ATPSCKMT: variants seen among roughly 807,000 people sequenced by gnomAD.
ATPSCKMT encodes ATP synthase subunit C lysine N-methyltransferase.
In ATPSCKMT, 24 loss-of-function variants were observed where a neutral mutation model predicts 24.3. The ratio of observed to expected loss-of-function variants is 0.99; its 90% CI spans 0.71 to 1.39. The LOEUF is 1.39. ATPSCKMT is among the 40% of genes most tolerant of loss of function. ATPSCKMT has a pLI of 0.00. For missense variants in ATPSCKMT, 311 were observed against 298.4 expected (o/e 1.04, Z -0.31); for synonymous variants, 95 against 110.5 (o/e 0.86, Z 0.88).
chr5:10,231,498 A>C (rs1744134747), intron 4 of ATPSCKMT, among the ~76,000 whole-genome samples: 1 of 149,690 alleles, frequency 6.7e-6, no homozygotes, highest in Non-Finnish European at 1.5e-5. Flanking sequence ...TTCCTCTCTG[A>C]CCTCCCCACG....
rs779020351 is a variant in ATPSCKMT at position 10,235,217 on chromosome 5, A to AG, written c.488dup (p.Gln164SerfsTer11). On this transcript the variant is annotated frameshift_variant, in exon 4 of 5. Transcript: ENST00000511437. LOFTEE classifies it low-confidence loss of function (END_TRUNC). ...CAGGAAAGTGCATACTCACCATCTG[A>AG]GGCACACCGAAAATAACAACGTTCG... is the stretch of plus-strand genomic sequence containing the variant. 22 of 1,613,696 alleles carry AG rather than the reference A, an allele frequency of 1.4e-5. No individual in the cohort carries two copies. Among genetic ancestry groups the AG allele is most frequent in the Non-Finnish European group, 1.9e-5 (22 of 1,179,776 alleles).
chr5:10,240,546 C>CT (rs1315846049), intron 1 of ATPSCKMT, among the ~76,000 whole-genome samples: 1 of 152,158 alleles, frequency 6.6e-6, no homozygotes, highest in East Asian at 1.9e-4. Context: ...CTGGTCCTTG[C>CT]TGAGCCTGTT....
At chr5:10,249,824 C>T (rs771812795) in intron 1 of ATPSCKMT, 34 bp downstream of exon 1, 15 of 1,547,944 alleles carry the variant, frequency 9.7e-6, no homozygotes, top group Middle Eastern at 2.4e-4. Flanking sequence ...CCTTCTCATG[C>T]CCCCAGGAAC....
At chr5:10,230,285 T>C (rs1290669310) in intron 4 of ATPSCKMT, among the ~76,000 whole-genome samples, 1 of 152,198 alleles carries the variant, frequency 6.6e-6, no homozygotes, top group Non-Finnish European at 1.5e-5. Flanking sequence ...AAAAAAGTTT[T>C]GTTCCTTGAG....
At chr5:10,235,740 T>C (rs1355452474) in intron 3 of ATPSCKMT, among the ~76,000 whole-genome samples, 1 of 143,908 alleles carries the variant, frequency 6.9e-6, no homozygotes, top group African/African-American at 2.4e-5. Flanking sequence ...TAAAATACTA[T>C]GTAAAAAAGT....
At chr5:10,240,604 G>C (rs947075570) in intron 1 of ATPSCKMT, among the ~76,000 whole-genome samples, 14 of 152,118 alleles carry the variant, frequency 9.2e-5, no homozygotes, top group Admixed American at 5.9e-4. Context: ...AGGATGAAAT[G>C]AGTGTATGGA....
At chr5:10,233,104 A>T (rs1298373271) in intron 4 of ATPSCKMT, among the ~76,000 whole-genome samples, 1 of 152,198 alleles carries the variant, frequency 6.6e-6, no homozygotes, top group Non-Finnish European at 1.5e-5. Context: ...GAGGGTTTAC[A>T]GCCCCAGAGA....
At chr5:10,248,801 G>C (rs1745096470) in intron 1 of ATPSCKMT, among the ~76,000 whole-genome samples, 1 of 152,234 alleles carries the variant, frequency 6.6e-6, no homozygotes, top group Non-Finnish European at 1.5e-5. Flanking sequence ...AACTTTATTA[G>C]TTAAGTCCCT....
chr5:10,242,987 T>C (rs1457487078), intron 1 of ATPSCKMT, among the ~76,000 whole-genome samples: 37 of 152,232 alleles, frequency 2.4e-4, no homozygotes, highest in Non-Finnish European at 1.8e-4. Flanking sequence ...CAGGCTGTGT[T>C]GTTCCATTTA....
intron 3 of ATPSCKMT, among the ~76,000 whole-genome samples, chr5:10,235,957 A>G (rs1561028827): frequency 6.6e-6 from 1 of 152,204 alleles, no homozygotes; most frequent in Admixed American, 6.5e-5. Context: ...AAGAAAAAGC[A>G]TTTTATGGAA....
At position 10,227,080 on chromosome 5, in the gene ATPSCKMT, A is replaced by T. The variant is rs1743911919; in HGVS notation, c.*361T>A. The T allele has an allele frequency of 4.4e-6, 1 of 226,888 alleles. No individual in the cohort carries two copies. Among genetic ancestry groups the T allele is most frequent in the African/African-American group, 2.3e-5 (1 of 43,660 alleles). The allele number at this position is 226,888 out of a possible 1,614,324, so 14.1% of individuals were successfully genotyped here. A position where few individuals can be genotyped will look rare whatever the true frequency, so the allele number is the denominator to read the frequency against. On this transcript the variant is annotated 3_prime_UTR_variant, in exon 5 of 5. Coordinates refer to ENST00000511437, the MANE Select transcript of ATPSCKMT (RefSeq NM_199133.4). ...TATAGGATACTACAAACAGTTGGTA[A>T]TATATACTGTCTTTAAAAATCATTT... is the stretch of plus-strand genomic sequence containing the variant.
chr5:10,247,412 C>T (rs1051011057), intron 1 of ATPSCKMT, among the ~76,000 whole-genome samples: 2 of 152,238 alleles, frequency 1.3e-5, no homozygotes, highest in African/African-American at 4.8e-5. Context: ...ACAATCACAG[C>T]TCACCACAGC....
intron 4 of ATPSCKMT, among the ~76,000 whole-genome samples, chr5:10,229,289 TTGGTTTTCG>T (rs1561024918): frequency 2.6e-5 from 4 of 152,190 alleles, no homozygotes; most frequent in African/African-American, 7.2e-5. Context: ...CAGTCTTTCT[TTGGTTTTCG>T]TGACAATAAC....
chr5:10,237,564 G>A (rs762098826), intron 2 of ATPSCKMT, among the ~76,000 whole-genome samples: 13 of 152,002 alleles, frequency 8.6e-5, no homozygotes, highest in Non-Finnish European at 1.3e-4. Context: ...GTTTCCCTGC[G>A]CAAGCTCTCT....
intron 2 of ATPSCKMT, 130 bp downstream of exon 2, chr5:10,238,937 A>C: frequency 1.7e-6 from 2 of 1,183,938 alleles, no homozygotes; most frequent in Non-Finnish European, 2.3e-6. Flanking sequence ...TTGGTCAAAC[A>C]AACATAAAAT....
chr5:10,236,909 C>G (rs531680174), intron 2 of ATPSCKMT: 2 of 1,382,672 alleles, frequency 1.4e-6, no homozygotes, highest in Middle Eastern at 1.9e-4. Context: ...AGCCAACCCC[C>G]GGGGAGGTCG....
intron 2 of ATPSCKMT, 52 bp from the exon 3 acceptor site, chr5:10,236,667 A>G (rs1744389695): frequency 6.3e-6 from 10 of 1,597,090 alleles, no homozygotes; most frequent in South Asian, 1.1e-5. Context: ...ATGAACATAC[A>G]TGGTCAAACA....
At chr5:10,230,597 C>A (rs973582521) in intron 4 of ATPSCKMT, among the ~76,000 whole-genome samples, 1 of 152,106 alleles carries the variant, frequency 6.6e-6, no homozygotes, top group Non-Finnish European at 1.5e-5. Context: ...GTCATGTCTG[C>A]GTAAAGGAAT....
intron 1 of ATPSCKMT, among the ~76,000 whole-genome samples, chr5:10,242,607 C>G (rs1744700019): frequency 6.6e-6 from 1 of 152,206 alleles, no homozygotes; most frequent in African/African-American, 2.4e-5. Flanking sequence ...TACCATGAAT[C>G]ATGAATGTTA....
Sources: allele counts gnomAD v4.1 joint callset (sites outside exome capture counted in the v4.1 genomes callset), GRCh38; gene constraint gnomAD v4.1.1; transcripts MANE v1.5; gene names NCBI Gene and HGNC (gene_info 2026-07-23, HGNC 2026-07-21).